GAD1: variants seen among roughly 807,000 people sequenced by gnomAD.
GAD1 encodes the protein glutamate decarboxylase 1.
A neutral mutation model predicts 75.2 loss-of-function variants in GAD1; 35 were observed. The observed-to-expected ratio is 0.47, with a 90% CI of 0.36 to 0.62. The LOEUF is 0.62. Ranked by LOEUF, GAD1 falls within the 20% of genes least tolerant of loss-of-function variation. GAD1 has a pLI of 0.00. For synonymous variants in GAD1, 257 were observed against 271.9 expected, an observed-to-expected ratio of 0.95 and a Z score of 0.54; for missense variants, 490 against 758.5, an observed-to-expected ratio of 0.65 and a Z score of 4.16.
intron 12 of GAD1, among the ~76,000 whole-genome samples, chr2:170,849,993 CT>C (rs1161887140): frequency 1.3e-5 from 2 of 152,216 alleles, no homozygotes; most frequent in African/African-American, 4.8e-5. Context: ...GACCTGACTC[CT>C]AAGTGTTGAC....
chr2:170,818,805 C>G lies in GAD1; in HGVS notation c.82+132C>G. Reference sequence around the variant, plus strand: ...TGGAGGCTGGGAAATAAATGGGGCTCTGACCCCGTCCCTGCCAGAGGTCAT... The same window carrying G: ...TGGAGGCTGGGAAATAAATGGGGCTGTGACCCCGTCCCTGCCAGAGGTCAT... On this transcript the variant is annotated intron_variant, in intron 2 of 16. Coordinates refer to ENST00000358196, the MANE Select transcript of GAD1 (RefSeq NM_000817.3). The surrounding 1 kb of genome is among the most constrained non-coding windows in gnomAD (Gnocchi z 5.9). 1.1e-6 allele frequency: 1 copy of G among 872,442 alleles called. No individual in the cohort carries two copies. The highest frequency in any genetic ancestry group is 2.6e-5 in the East Asian group (1 of 38,250). 54.0% of individuals were successfully genotyped at this position (872,442 alleles called of 1,614,324 possible).
chr2:170,831,748 AAAT>A (rs1210385597), intron 5 of GAD1, among the ~76,000 whole-genome samples: 4 of 145,538 alleles, frequency 2.7e-5, no homozygotes, highest in South Asian at 2.1e-4. Context: ...ATAAATATAA[AAAT>A]AATATATAAA....
intron 3 of GAD1, among the ~76,000 whole-genome samples, chr2:170,826,047 C>G (rs1041042133): frequency 6.6e-6 from 1 of 152,164 alleles, no homozygotes; most frequent in Non-Finnish European, 1.5e-5. Flanking sequence ...GTTCACCTAC[C>G]TTTCTGAGGA....
chr2:170,840,097 A>G (rs914443551), intron 6 of GAD1, among the ~76,000 whole-genome samples: 1 of 152,232 alleles, frequency 6.6e-6, no homozygotes, highest in Non-Finnish European at 1.5e-5. Flanking sequence ...CTTAAAACAA[A>G]CCACTGAATT....
intron 2 of GAD1, chr2:170,821,759 G>C: frequency 1.3e-5 from 5 of 394,168 alleles, no homozygotes; most frequent in East Asian, 5.6e-5. Context: ...GGCCCTTTGC[G>C]TGTGGGTCAG....
intron 15 of GAD1, 100 bp downstream of exon 15, chr2:170,857,225 G>T: frequency 1.2e-6 from 1 of 844,782 alleles, no homozygotes; most frequent in Non-Finnish European, 2.0e-6. Context: ...ATCCCATGTT[G>T]CCAGAAACTG....
At chr2:170,833,313 A>T (rs1702289319) in intron 5 of GAD1, among the ~76,000 whole-genome samples, 1 of 152,232 alleles carries the variant, frequency 6.6e-6, no homozygotes, top group South Asian at 2.1e-4. Context: ...ACACCACTGG[A>T]ATAAGTGCAG....
intron 3 of GAD1, among the ~76,000 whole-genome samples, chr2:170,822,785 T>A (rs188124818): frequency 6.6e-6 from 1 of 152,300 alleles, no homozygotes; most frequent in Admixed American, 6.5e-5. Flanking sequence ...GAGCCCTCCA[T>A]GGCCTGCCTG....
intron 6 of GAD1, among the ~76,000 whole-genome samples, 169 bp downstream of exon 6, chr2:170,837,052 C>T (rs538027679): frequency 1.2e-4 from 18 of 152,190 alleles, no homozygotes; most frequent in African/African-American, 3.6e-4. Flanking sequence ...ACTTGATAAA[C>T]TATTGTTGAA....
rs1050177862 is a variant in GAD1, at chr2:170,859,111, A to C, written c.1611+218A>C. 5.3e-5 allele frequency among the ~76,000 whole-genome samples: 8 copies of C among 152,180 alleles called. No homozygotes were observed. In the South Asian group the frequency reaches 6.2e-4, roughly 12 times the overall value. On this transcript the variant is annotated intron_variant, in intron 16 of 16. Transcript: ENST00000358196. ...TACCACGGGAACTTCTAAAGGATGC[A>C]TCTTGTCTCCTTGTCCTTGGTTGAT...
intron 2 of GAD1, among the ~76,000 whole-genome samples, chr2:170,819,672 TGTAA>T (rs900816190): frequency 2.0e-5 from 3 of 151,974 alleles, no homozygotes; most frequent in African/African-American, 4.8e-5. Flanking sequence ...AGCTTCAGAC[TGTAA>T]GTGTTCCCAC....
chr2:170,843,949 A>G, intron 6 of GAD1, 96 bp from the exon 7 acceptor site: 5 of 737,250 alleles, frequency 6.8e-6, no homozygotes, highest in East Asian at 2.7e-5. Context: ...TTTTTTTAGA[A>G]CCCAACTACA....
At chr2:170,824,699 C>A (rs1701982894) in intron 3 of GAD1, among the ~76,000 whole-genome samples, 1 of 152,190 alleles carries the variant, frequency 6.6e-6, no homozygotes, top group Non-Finnish European at 1.5e-5. Flanking sequence ...GCAGAATTAG[C>A]TCTGGAGGCA....
intron 10 of GAD1, 28 bp downstream of exon 10, chr2:170,846,091 CCA>C (rs767783654): frequency 5.0e-6 from 8 of 1,589,098 alleles, no homozygotes; most frequent in Non-Finnish European, 6.9e-6. Flanking sequence ...CATCTGAACT[CCA>C]GTTTTAAAAT....
chr2:170,858,245 A>G (rs751446587), intron 15 of GAD1, among the ~76,000 whole-genome samples: 7 of 152,182 alleles, frequency 4.6e-5, no homozygotes, highest in Non-Finnish European at 7.3e-5. Context: ...AAAGCACAGG[A>G]ATCTTTAGAG....
intron 5 of GAD1, among the ~76,000 whole-genome samples, chr2:170,834,009 AAAAAG>A (rs898171499): frequency 3.3e-5 from 5 of 151,934 alleles, no homozygotes; most frequent in African/African-American, 9.7e-5. Context: ...TCAAAAAAAA[AAAAAG>A]AGAGAGAGAG....
intron 2 of GAD1, chr2:170,821,883 G>C: frequency 1.7e-6 from 1 of 585,690 alleles, no homozygotes. Flanking sequence ...TTTGAAGCCA[G>C]GAGCAGGAAG....
At chr2:170,826,651 C>G (rs1702032309) in intron 3 of GAD1, among the ~76,000 whole-genome samples, 1 of 151,926 alleles carries the variant, frequency 6.6e-6, no homozygotes. Flanking sequence ...GTCAAAACCT[C>G]AAGCCGAGTT....
intron 10 of GAD1, 47 bp downstream of exon 10, chr2:170,846,110 T>C (rs1165256869): frequency 6.9e-7 from 1 of 1,459,236 alleles, no homozygotes; most frequent in East Asian, 2.3e-5. Flanking sequence ...AAATACCTTC[T>C]TTCTGTCCTA....
Sources: gnomAD v4.1 joint callset for allele counts (sites outside exome capture counted in the v4.1 genomes callset) on GRCh38, gnomAD v4.1.1 for gene constraint, Gnocchi (gnomAD v3.1) non-coding constraint, MANE v1.5 for transcripts, NCBI Gene and HGNC (gene_info 2026-07-23, HGNC 2026-07-21) for gene names.